The following STPG2 variants were observed in gnomAD, a reference collection of about 807,000 sequenced individuals.
STPG2 encodes sperm tail PG-rich repeat containing 2, also known as sperm-tail PG-rich repeat-containing protein 2.
STPG2 carries 56 observed loss-of-function variants against 54.2 expected under a neutral mutation model. That is an observed-to-expected ratio of 1.03 (90% confidence interval 0.83 to 1.29). The LOEUF is 1.29. Ranked by LOEUF, STPG2 falls within the 50% of genes most tolerant of loss-of-function variation. STPG2 has a pLI of 0.00. For synonymous variants in STPG2, 200 were observed against 181.8 expected (o/e 1.10, Z -0.81); for missense variants, 596 against 544.9 (o/e 1.09, Z -0.93).
intron 7 of STPG2, among the ~76,000 whole-genome samples, chr4:97,963,276 C>T (rs1733959150): frequency 6.6e-6 from 1 of 151,974 alleles, no homozygotes; most frequent in Admixed American, 6.6e-5. Context: ...AGAAATGTTC[C>T]AAAAACTATT....
intron 5 of STPG2, among the ~76,000 whole-genome samples, chr4:98,057,861 G>A (rs910857604): frequency 6.6e-6 from 1 of 152,170 alleles, no homozygotes; most frequent in Non-Finnish European, 1.5e-5. Context: ...GACCTCTCAG[G>A]TGAAACTCTA....
At chr4:98,026,227 A>G in intron 5 of STPG2, 1 of 1,056,996 alleles carries the variant, frequency 9.5e-7, no homozygotes, top group Non-Finnish European at 1.5e-6. Context: ...AAAAGAAAGC[A>G]AGCCCCCTCA....
chr4:97,666,062 T>C (rs1439663036), intron 10 of STPG2, among the ~76,000 whole-genome samples: 1 of 152,112 alleles, frequency 6.6e-6, no homozygotes. Flanking sequence ...GTGGCTGCAG[T>C]TGTACCCAGA....
intron 5 of STPG2, among the ~76,000 whole-genome samples, chr4:98,047,540 G>C (rs1737173428): frequency 6.6e-6 from 1 of 152,098 alleles, no homozygotes; most frequent in Non-Finnish European, 1.5e-5. Flanking sequence ...TCATGCGCCT[G>C]TTTAAATCCA....
rs143785321 is a variant in STPG2, at chr4:97,502,411, A to G, written c.462+210288T>C. ...AAAATACAGTGAAACACTGTCTTCAATTTTCTGATGGGGAAAACAATGTGT... is the reference window on the plus strand; with the variant it reads ...AAAATACAGTGAAACACTGTCTTCAGTTTTCTGATGGGGAAAACAATGTGT... On this transcript the variant is annotated intron_variant, in intron 4 of 4. Coordinates refer to the STPG2 transcript ENST00000522676. 5.0e-3 allele frequency among the ~76,000 whole-genome samples: 760 copies of G among 152,098 alleles called. 3 individuals are homozygous for G. Among genetic ancestry groups the G allele is most frequent in the South Asian group, 0.02 (98 of 4,816 alleles).
intron 6 of STPG2, among the ~76,000 whole-genome samples, chr4:97,975,279 T>C (rs28460102): frequency 6.3e-5 from 8 of 126,310 alleles, no homozygotes; most frequent in African/African-American, 9.2e-5. Flanking sequence ...ATATTTATTA[T>C]GTATAGGTAT....
intron 10 of STPG2, among the ~76,000 whole-genome samples, chr4:97,618,924 A>T (rs1733937441): frequency 6.6e-6 from 1 of 152,220 alleles, no homozygotes; most frequent in South Asian, 2.1e-4. Context: ...ATCTTCATAC[A>T]TATGAGAGAT....
At chr4:97,527,935 C>A (rs754440390) in intron 4 of STPG2, among the ~76,000 whole-genome samples, 1 of 151,946 alleles carries the variant, frequency 6.6e-6, no homozygotes. Flanking sequence ...AAATTTTTCT[C>A]CCATTCTTTA....
chr4:98,043,762 ATTTTAT>A (rs1737036693), intron 5 of STPG2, among the ~76,000 whole-genome samples: 1 of 152,078 alleles, frequency 6.6e-6, no homozygotes, highest in Non-Finnish European at 1.5e-5. Flanking sequence ...TTATGAATTT[ATTTTAT>A]TTTTATTTTT....
intron 10 of STPG2, among the ~76,000 whole-genome samples, chr4:97,684,244 T>A (rs1365663472): frequency 6.6e-6 from 1 of 151,940 alleles, no homozygotes; most frequent in Non-Finnish European, 1.5e-5. Flanking sequence ...CAATAAACAT[T>A]CTAAAGTTTG....
At chr4:98,051,962 C>G (rs1276713205) in intron 5 of STPG2, among the ~76,000 whole-genome samples, 2 of 151,772 alleles carry the variant, frequency 1.3e-5, no homozygotes, top group African/African-American at 4.8e-5. Context: ...TGGTGCAAGC[C>G]TATAATCCCA....
chr4:97,773,915 T>A (rs945420438), intron 9 of STPG2, among the ~76,000 whole-genome samples: 1 of 151,880 alleles, frequency 6.6e-6, no homozygotes, highest in African/African-American at 2.4e-5. Context: ...CTTGTGAGGC[T>A]GAGGAGGGAG....
At chr4:98,026,488 T>C (rs1287447424) in intron 5 of STPG2, among the ~76,000 whole-genome samples, 2 of 152,280 alleles carry the variant, frequency 1.3e-5, no homozygotes, top group South Asian at 2.1e-4. Context: ...TTGTATGTCA[T>C]GGTAAAGGAA....
intron 5 of STPG2, among the ~76,000 whole-genome samples, chr4:98,055,790 G>A (rs571277693): frequency 1.2e-4 from 19 of 152,252 alleles, no homozygotes; most frequent in African/African-American, 4.3e-4. Flanking sequence ...GAAATCAGAC[G>A]GGCCTGGTCT....
chr4:98,054,542 T>C (rs1286069678), intron 5 of STPG2, among the ~76,000 whole-genome samples: 1 of 152,216 alleles, frequency 6.6e-6, no homozygotes, highest in Non-Finnish European at 1.5e-5. Flanking sequence ...ATCTTTATTT[T>C]ATCTGCTAAT....
intron 5 of STPG2, among the ~76,000 whole-genome samples, chr4:98,018,215 T>C (rs1736034580): frequency 6.6e-6 from 1 of 151,742 alleles, no homozygotes; most frequent in Admixed American, 6.6e-5. Context: ...CCCCTTCCTG[T>C]GTCCATGTGT....
At chr4:97,672,953 C>T (rs917046160) in intron 10 of STPG2, among the ~76,000 whole-genome samples, 5 of 152,234 alleles carry the variant, frequency 3.3e-5, no homozygotes, top group African/African-American at 7.2e-5. Flanking sequence ...GTTCCCTTTA[C>T]GTTAGCAGCA....
intron 5 of STPG2, among the ~76,000 whole-genome samples, chr4:98,058,366 A>C (rs2110096379): frequency 6.6e-6 from 1 of 152,356 alleles, no homozygotes. Flanking sequence ...ATGGAGGAAA[A>C]TCTACCAAAC....
chr4:98,053,391 A>G (rs1737384530), intron 5 of STPG2, among the ~76,000 whole-genome samples: 1 of 152,190 alleles, frequency 6.6e-6, no homozygotes, highest in Non-Finnish European at 1.5e-5. Context: ...TCCCTTGCTT[A>G]GAGTATAGGC....
Sources: allele counts gnomAD v4.1 joint callset (sites outside exome capture counted in the v4.1 genomes callset), GRCh38; gene constraint gnomAD v4.1.1; transcripts MANE v1.5; gene names NCBI Gene and HGNC (gene_info 2026-07-23, HGNC 2026-07-21).